SDK2: variants seen among roughly 807,000 people sequenced by gnomAD.
The protein encoded by SDK2 is protein sidekick-2.
SDK2 carries 105 observed loss-of-function variants against 253.9 expected under a neutral mutation model. The ratio of observed to expected loss-of-function variants is 0.41; its 90% confidence interval spans 0.35 to 0.49. The LOEUF (loss-of-function observed/expected upper bound fraction) is 0.49. Ranked by LOEUF, SDK2 falls within the 20% of genes least tolerant of loss-of-function variation. The pLI is 0.06. For synonymous variants in SDK2, 1,249 were observed against 1,234.9 expected (o/e 1.01, Z -0.24); for missense variants, 2,608 against 3,003.0 (o/e 0.87, Z 3.07).
chr17:73,360,251 G>A (rs2062629434), intron 39 of SDK2, among the ~76,000 whole-genome samples: 1 of 152,228 alleles, frequency 6.6e-6, no homozygotes, highest in Non-Finnish European at 1.5e-5. Flanking sequence ...GCTTTGTCCT[G>A]AGTTTGCCCT....
At chr17:73,351,770 C>T (rs533535682) in intron 41 of SDK2, among the ~76,000 whole-genome samples, 2 of 152,152 alleles carry the variant, frequency 1.3e-5, no homozygotes, top group Admixed American at 1.3e-4. Flanking sequence ...CTCTCTGTTT[C>T]GGCCTTGAAG....
intron 5 of SDK2, among the ~76,000 whole-genome samples, chr17:73,446,863 G>A (rs2063456568): frequency 6.6e-6 from 1 of 151,994 alleles, no homozygotes. Flanking sequence ...TCTCTGTCTT[G>A]GGAATGGAGT....
At position 73,642,318 on chromosome 17, in the gene SDK2, C is replaced by T. The variant is rs1237637844; in HGVS notation, c.64+1707G>A. 6.6e-6 allele frequency among the ~76,000 whole-genome samples: 1 copy of T among 152,200 alleles called. No individual in the cohort carries two copies. The highest frequency in any genetic ancestry group is 1.5e-5 in the Non-Finnish European group (1 of 68,036). Reference sequence around the variant, plus strand: ...GAGCCACCTGCCCAGGGAAATCATACCATTGTTGAAAAGTCTGTAGAGCAA... The same window carrying T: ...GAGCCACCTGCCCAGGGAAATCATATCATTGTTGAAAAGTCTGTAGAGCAA... On this transcript the variant is annotated intron_variant, in intron 1 of 44. Coordinates refer to ENST00000392650, the MANE Select transcript of SDK2 (RefSeq NM_001144952.2). The surrounding 1 kb of genome is among the most constrained non-coding windows in gnomAD (Gnocchi z 4.7).
At position 73,394,200 on chromosome 17, in the gene SDK2, G is replaced by A. The variant is rs769100655; in HGVS notation, c.3708+9C>T. 29 of 1,513,716 alleles carry A rather than the reference G, an allele frequency of 1.9e-5. No homozygotes were observed. Among genetic ancestry groups the A allele is most frequent in the East Asian group, 4.7e-5 (2 of 42,110 alleles). The allele number at this position is 1,513,716 out of a possible 1,614,324, so 93.8% of individuals were successfully genotyped here. A position where few individuals can be genotyped will look rare whatever the true frequency, so the allele number is the denominator to read the frequency against. ...TAGGGACCCCACCTCCTGGGATCCC[G>A]GGACTCACCTTATAGCCCAGCACGA... On this transcript the variant is annotated intron_variant, in intron 26 of 44. Transcript: ENST00000392650.
intron 12 of SDK2, 117 bp from the exon 13 acceptor site, chr17:73,424,209 G>A (rs971955032): frequency 2.0e-5 from 16 of 798,198 alleles, no homozygotes; most frequent in Non-Finnish European, 2.9e-5. Flanking sequence ...ACAACTGCAG[G>A]CAACAGCCAG....
intron 36 of SDK2, among the ~76,000 whole-genome samples, chr17:73,370,560 TTA>T (rs1232401618): frequency 6.6e-6 from 1 of 151,478 alleles, no homozygotes; most frequent in African/African-American, 2.4e-5. Flanking sequence ...CCATTTTATT[TTA>T]TTTTATTTTA....
At position 73,511,388 on chromosome 17, in the gene SDK2, C is replaced by T. The variant is rs2063979295; in HGVS notation, c.65-3791G>A. On this transcript the variant is annotated intron_variant, in intron 1 of 44. Coordinates refer to ENST00000392650, the MANE Select transcript of SDK2 (RefSeq NM_001144952.2). The surrounding 1 kb of genome is among the most constrained non-coding windows in gnomAD (Gnocchi z 4.9). ...CACACGCTCTGCGCCCAGACGCCCT[C>T]GCCTCTGTAAACCTGCTCACTGGGC... 6.6e-6 allele frequency among the ~76,000 whole-genome samples: 1 copy of T among 152,212 alleles called. No individual in the cohort carries two copies. Among genetic ancestry groups the T allele is most frequent in the Non-Finnish European group, 1.5e-5 (1 of 68,034 alleles).
At chr17:73,547,568 A>C (rs1028104612) in intron 1 of SDK2, among the ~76,000 whole-genome samples, 7 of 152,164 alleles carry the variant, frequency 4.6e-5, no homozygotes, top group African/African-American at 1.7e-4. Flanking sequence ...CCTGTGTCCC[A>C]TTCCCCACCT....
At position 73,509,902 on chromosome 17, in the gene SDK2, CAAA is replaced by C. The variant is rs71157018; in HGVS notation, c.65-2308_65-2306del. Among the ~76,000 whole-genome samples the C allele has an allele frequency of 3.9e-3, 100 of 25,390 alleles. 3 individuals carry two copies. In the East Asian group the frequency reaches 0.091, roughly 23 times the overall value. The allele number at this position is 25,390 out of a possible 152,430, so 16.7% of individuals were successfully genotyped here. ...GCAACAGAGCAAGACTCCATCTCTA[CAAA>C]AAAAAAAAAAAAAAAAAGAAGGAAA... is the stretch of plus-strand genomic sequence containing the variant. On this transcript the variant is annotated intron_variant, in intron 1 of 44. Transcript: ENST00000392650.
chr17:73,352,713 A>G lies in SDK2; in HGVS notation c.5594-76T>C, dbSNP rs1413393124. On this transcript the variant is annotated intron_variant, in intron 40 of 44. Transcript: ENST00000392650. The surrounding 1 kb of genome is among the most constrained non-coding windows in gnomAD (Gnocchi z 4.1). ...TCCCGCTCCCAGCCCCGTTCTGACT[A>G]TGCTCCCTGAGGGCTGGGCCTGTTG... 1 of 1,488,338 alleles carries G rather than the reference A, an allele frequency of 6.7e-7. No individual in the cohort carries two copies. Among genetic ancestry groups the G allele is most frequent in the East Asian group, 2.3e-5 (1 of 43,294 alleles). 92.2% of individuals were successfully genotyped at this position (1,488,338 alleles called of 1,614,324 possible).
chr17:73,528,362 C>T (rs531348006), intron 1 of SDK2, among the ~76,000 whole-genome samples: 24 of 152,290 alleles, frequency 1.6e-4, no homozygotes, highest in African/African-American at 2.9e-4. Flanking sequence ...AGAAGTAACA[C>T]GTATGAAGAG....
intron 6 of SDK2, 35 bp from the exon 7 acceptor site, chr17:73,438,189 T>G: frequency 6.5e-7 from 1 of 1,530,224 alleles, no homozygotes. Flanking sequence ...TGTTCAGCCA[T>G]GAGGACTCCC....
intron 2 of SDK2, among the ~76,000 whole-genome samples, chr17:73,504,127 CAG>C (rs1198741225): frequency 6.6e-6 from 1 of 151,176 alleles, no homozygotes; most frequent in Admixed American, 6.6e-5. Flanking sequence ...AAAAAGGTGT[CAG>C]GGGATATGTA....
intron 21 of SDK2, among the ~76,000 whole-genome samples, chr17:73,400,777 C>A (rs1229646984): frequency 1.3e-5 from 2 of 152,090 alleles, no homozygotes; most frequent in Non-Finnish European, 2.9e-5. Context: ...CCTCAGCCTC[C>A]CAACTAACTG....
intron 27 of SDK2, 94 bp from the exon 28 acceptor site, chr17:73,391,632 G>T: frequency 1.9e-6 from 1 of 539,446 alleles, no homozygotes; most frequent in South Asian, 9.7e-5. Context: ...CAGGGTGGAG[G>T]GGGAAGGGGC....
chr17:73,347,577 T>C (rs959113303), intron 44 of SDK2, among the ~76,000 whole-genome samples: 1 of 152,186 alleles, frequency 6.6e-6, no homozygotes, highest in African/African-American at 2.4e-5. Context: ...CCAGGCTTCC[T>C]GGCACCTCCT....
chr17:73,390,896 A>C (rs1467320826), intron 28 of SDK2, among the ~76,000 whole-genome samples: 1 of 152,200 alleles, frequency 6.6e-6, no homozygotes, highest in Non-Finnish European at 1.5e-5. Context: ...GCGTGAGGTC[A>C]GGACTGAGAA....
chr17:73,571,820 C>T (rs975441944), intron 1 of SDK2, among the ~76,000 whole-genome samples: 1 of 152,224 alleles, frequency 6.6e-6, no homozygotes, highest in Non-Finnish European at 1.5e-5. Context: ...CAGGGGCTCT[C>T]TCCTCCCTGG....
chr17:73,425,375 T>C (rs2063272982), intron 12 of SDK2, among the ~76,000 whole-genome samples: 1 of 152,272 alleles, frequency 6.6e-6, no homozygotes, highest in South Asian at 2.1e-4. Flanking sequence ...AATGTGTGCA[T>C]ATCTTCCAGA....
Sources: allele counts gnomAD v4.1 joint callset (sites outside exome capture counted in the v4.1 genomes callset), GRCh38; gene constraint gnomAD v4.1.1; non-coding constraint Gnocchi (gnomAD v3.1); transcripts MANE v1.5; gene names NCBI Gene and HGNC (gene_info 2026-07-23, HGNC 2026-07-21).